The following COBL variants were observed in gnomAD, a reference collection of about 807,000 sequenced individuals.
COBL encodes the protein protein cordon-bleu.
A neutral mutation model predicts 98.8 loss-of-function variants in COBL; 51 were observed. The observed-to-expected ratio is 0.52, with a 90% CI of 0.41 to 0.65. The LOEUF (loss-of-function observed/expected upper bound fraction) is 0.65. Among genes scored for constraint, COBL ranks in the 30% least tolerant of loss-of-function variants. COBL has a pLI of 0.00. For synonymous variants in COBL, 634 were observed against 651.7 expected (o/e 0.97, Z 0.41); for missense variants, 1,617 against 1,617.5 (o/e 1.00, Z 0.01).
intron 2 of COBL, among the ~76,000 whole-genome samples, chr7:51,214,272 A>AAAATAAAT (rs34766805): frequency 0.046 from 6,384 of 140,206 alleles, 174 homozygotes; most frequent in Middle Eastern, 0.066. Flanking sequence ...TCATCTATTA[A>AAAATAAAT]AAATAAATAA....
At chr7:51,293,024 C>G (rs1044183966) in intron 1 of COBL, among the ~76,000 whole-genome samples, 1 of 152,236 alleles carries the variant, frequency 6.6e-6, no homozygotes, top group African/African-American at 2.4e-5. Flanking sequence ...ATTCAATAAA[C>G]TTCACACACA....
chr7:51,117,560 A>AT (rs1797388043), intron 6 of COBL, among the ~76,000 whole-genome samples: 1 of 151,970 alleles, frequency 6.6e-6, no homozygotes, highest in South Asian at 2.1e-4. Context: ...TCTTATTTAT[A>AT]GTTCTTATTA....
At chr7:51,127,437 T>C (rs1478154556) in intron 6 of COBL, among the ~76,000 whole-genome samples, 2 of 152,192 alleles carry the variant, frequency 1.3e-5, no homozygotes, top group Non-Finnish European at 2.9e-5. Flanking sequence ...CAAGAGTATT[T>C]TTCCCTCTGC....
intron 5 of COBL, among the ~76,000 whole-genome samples, chr7:51,174,080 T>C (rs570257499): frequency 6.6e-6 from 1 of 152,210 alleles, no homozygotes; most frequent in Non-Finnish European, 1.5e-5. Flanking sequence ...CAAATTATTT[T>C]AAAAAATTAT....
chr7:51,101,655 G>C (rs1203101328), intron 6 of COBL, among the ~76,000 whole-genome samples: 1 of 151,816 alleles, frequency 6.6e-6, no homozygotes, highest in Non-Finnish European at 1.5e-5. Flanking sequence ...AAAGCCCATG[G>C]ATTTCTCACC....
At chr7:51,064,206 C>T (rs573679785) in intron 7 of COBL, among the ~76,000 whole-genome samples, 24 of 152,196 alleles carry the variant, frequency 1.6e-4, no homozygotes, top group African/African-American at 5.5e-4. Flanking sequence ...TTCAGGAACT[C>T]GCATGTGGCT....
At chr7:51,150,182 TC>T (rs1419487935) in intron 5 of COBL, among the ~76,000 whole-genome samples, 4 of 152,164 alleles carry the variant, frequency 2.6e-5, no homozygotes, top group Non-Finnish European at 5.9e-5. Context: ...GGCTCACTCA[TC>T]AGCTAAGTGA....
Position 51,291,749 on chromosome 7 carries a change from A to G in COBL, c.41+24844T>C, listed in dbSNP as rs183532454. 2.0e-5 allele frequency among the ~76,000 whole-genome samples: 3 copies of G among 152,146 alleles called. No individual in the cohort carries two copies. In the East Asian group the frequency reaches 5.8e-4, roughly 29 times the overall value. ...GCACTCCAGCCAGGGCAACAAATCG[A>G]GACTCCGTCTCAAAAAAAAAAGTAA... On this transcript the variant is annotated intron_variant, in intron 1 of 12. Transcript: ENST00000265136.
chr7:51,315,904 G>A (rs1584482837), intron 1 of COBL, among the ~76,000 whole-genome samples: 1 of 152,246 alleles, frequency 6.6e-6, no homozygotes, highest in East Asian at 1.9e-4. Flanking sequence ...GACAGGGATG[G>A]GCCGCCAGAC....
At position 51,077,960 on chromosome 7, in the gene COBL, C is replaced by CG. The variant is rs374271757; in HGVS notation, c.1096+7205_1096+7206insC. 4.6e-3 allele frequency among the ~76,000 whole-genome samples: 701 copies of CG among 152,258 alleles called. 2 individuals carry two copies. The highest frequency in any genetic ancestry group is 5.7e-3 in the Non-Finnish European group (389 of 68,028). ...CAGTGATTCACCATCCTCTCTGTAC[C>CG]TACTCATCACACATCCTACATGCTC... On this transcript the variant is annotated intron_variant, in intron 7 of 12. Coordinates refer to ENST00000265136, the MANE Select transcript of COBL (RefSeq NM_015198.5).
rs760253787 is a variant in COBL, at chr7:51,085,182, G to T, written c.1080C>A (p.Asn360Lys). ...CTCACTCACCCATCGTGCTCTTCCT[G>T]TTCTCCTCCTTATCCTCAGTGCGGT... ...IPNRTEDKEE[N>K]RKSTMVSLPL... The change falls in exon 7 of 13, where the codon AAC becomes AAA. Residue 360 changes from asparagine to lysine, a missense_variant. Physicochemically the swap from Asn to Lys is moderately conservative, Grantham distance 94. Coordinates refer to ENST00000265136, the MANE Select transcript of COBL (RefSeq NM_015198.5). 3.1e-6 allele frequency: 5 copies of T among 1,613,934 alleles called. No individual in the cohort carries two copies. The highest frequency in any genetic ancestry group is 4.2e-6 in the Non-Finnish European group (5 of 1,180,016).
intron 1 of COBL, among the ~76,000 whole-genome samples, chr7:51,229,488 G>C (rs867858282): frequency 2.0e-5 from 3 of 152,148 alleles, no homozygotes; most frequent in Non-Finnish European, 4.4e-5. Flanking sequence ...AGGTGCATTC[G>C]TCCACCACCT....
intron 7 of COBL, among the ~76,000 whole-genome samples, chr7:51,059,745 C>T (rs1483860040): frequency 1.3e-5 from 2 of 152,224 alleles, no homozygotes; most frequent in African/African-American, 4.8e-5. Context: ...TACCCCGCCA[C>T]TGTTCCCTCA....
At chr7:51,137,825 C>T (rs757286014) in intron 5 of COBL, among the ~76,000 whole-genome samples, 1 of 152,152 alleles carries the variant, frequency 6.6e-6, no homozygotes, top group Non-Finnish European at 1.5e-5. Context: ...AGATGACCCT[C>T]TGGGTCACTA....
At chr7:51,200,828 C>A (rs570130801) in intron 2 of COBL, among the ~76,000 whole-genome samples, 26 of 151,822 alleles carry the variant, frequency 1.7e-4, no homozygotes, top group African/African-American at 6.1e-4. Flanking sequence ...AAAGAAATAC[C>A]GTAGATGAAC....
intron 1 of COBL, among the ~76,000 whole-genome samples, chr7:51,299,802 C>A (rs1801749816): frequency 1.3e-5 from 2 of 152,198 alleles, no homozygotes; most frequent in Non-Finnish European, 2.9e-5. Flanking sequence ...GAACATAATA[C>A]AGGAAAAGCT....
intron 2 of COBL, among the ~76,000 whole-genome samples, chr7:51,202,848 C>A (rs1791263301): frequency 6.6e-6 from 1 of 152,134 alleles, no homozygotes. Flanking sequence ...AGAGACCAGC[C>A]TGGCCAACAT....
chr7:51,176,409 G>GACACAC (rs112105124), intron 5 of COBL, among the ~76,000 whole-genome samples: 2 of 149,296 alleles, frequency 1.3e-5, no homozygotes, highest in Non-Finnish European at 3.0e-5. Context: ...TACACACACA[G>GACACAC]ACACACACAC....
intron 1 of COBL, among the ~76,000 whole-genome samples, chr7:51,232,226 T>TA (rs1488049415): frequency 6.6e-6 from 1 of 151,884 alleles, no homozygotes; most frequent in East Asian, 1.9e-4. Flanking sequence ...ATCACTTTCT[T>TA]AGTCAAAAAT....
Sources: allele counts gnomAD v4.1 joint callset (sites outside exome capture counted in the v4.1 genomes callset), GRCh38; gene constraint gnomAD v4.1.1; transcripts MANE v1.5; gene names NCBI Gene and HGNC (gene_info 2026-07-23, HGNC 2026-07-21).